WDR87: variants seen among roughly 807,000 people sequenced by gnomAD.
WDR87 encodes the protein WD repeat domain 87.
In WDR87, 56 loss-of-function variants were observed where a neutral mutation model predicts 83.3. The observed-to-expected ratio is 0.67, with a 90% CI of 0.54 to 0.84. The LOEUF is 0.84. WDR87 is among the 40% of genes least tolerant of loss of function. The probability of loss-of-function intolerance (pLI) is 0.00; values close to 1 mark genes in which losing one functional copy is unlikely to be tolerated. For synonymous variants in WDR87, 1,173 were observed against 1,250.6 expected, an observed-to-expected ratio of 0.94 and a Z score of 1.31; for missense variants, 2,939 against 3,431.9, an observed-to-expected ratio of 0.86 and a Z score of 3.59.
At chr19:37,896,362 T>C in intron 2 of WDR87, 54 bp from the exon 3 acceptor site, 1 of 1,524,832 alleles carries the variant, frequency 6.6e-7, no homozygotes, top group South Asian at 1.2e-5. Flanking sequence ...GCACTAAATA[T>C]ATTCTCGCAC....
At position 37,901,384 on chromosome 19, in the gene WDR87, T is replaced by C. The variant is rs1277091559; in HGVS notation, c.-46-3099A>G. 3.3e-5 allele frequency among the ~76,000 whole-genome samples: 5 copies of C among 152,150 alleles called. No homozygotes were observed. In the East Asian group the frequency reaches 7.7e-4, roughly 23 times the overall value. ...AGGCGGAAGTTGCAGTGAGCCGAGA[T>C]TGCAGCACTGCATTCCAGCCTGGGT... On this transcript the variant is annotated intron_variant, in intron 1 of 5. Coordinates refer to ENST00000447313, the MANE Select transcript of WDR87 (RefSeq NM_001291088.2).
chr19:37,900,517 C>T (rs1206870641), intron 1 of WDR87, among the ~76,000 whole-genome samples: 11 of 137,532 alleles, frequency 8.0e-5, no homozygotes, highest in Admixed American at 5.6e-4. Flanking sequence ...GCCGAGATCA[C>T]GCCACTGCAC....
chr19:37,894,937 G>A lies in WDR87; in HGVS notation c.766C>T (p.Leu256Phe), dbSNP rs185788127. 97 of 1,551,726 alleles carry A rather than the reference G, an allele frequency of 6.3e-5. No individual in the cohort carries two copies. The East Asian group carries it at 1.3e-3, about 20-fold the overall frequency. ...TCCCCAGCTTGGTTTCCAGCATAGAGAAAGCCCTGATCAAAACAGGTGAAG... is the reference window on the plus strand; with the variant it reads ...TCCCCAGCTTGGTTTCCAGCATAGAAAAAGCCCTGATCAAAACAGGTGAAG... Reference protein sequence around the residue: ...CCFTCFDQGFLYAGNQAGEIQ... With the variant: ...CCFTCFDQGFFYAGNQAGEIQ... Residue 256 changes from leucine to phenylalanine, a missense_variant, in exon 4 of 6, where the codon CTC becomes TTC. Transcript: ENST00000447313.
At position 37,888,002 on chromosome 19, in the gene WDR87, T is replaced by G; in HGVS notation, c.5669A>C (p.Glu1890Ala). The G allele has an allele frequency of 6.4e-7, 1 of 1,550,608 alleles. No individual in the cohort carries two copies. Among genetic ancestry groups the G allele is most frequent in the Non-Finnish European group, 8.7e-7 (1 of 1,146,836 alleles). The change falls in exon 6 of 6, where the codon GAA becomes GCA. Residue 1890 changes from glutamate to alanine, a missense_variant. By Grantham distance (107) the Glu-to-Ala change is moderately radical (BLOSUM62 -1). This residue lies in a region of WDR87 where 2,160 missense variants were observed against 2,533.1 expected (regional missense o/e 0.85). Transcript: ENST00000447313. ...QEKKNLAQEK[E>A]KLAQRKENLL... ...GTTCTCTTTCCTCTGAGCCAATTTT[T>G]CCTTCTCCTGGGCCAGATTCTTCTT...
chr19:37,903,964 A>T (rs2046307570), intron 1 of WDR87, among the ~76,000 whole-genome samples: 1 of 152,122 alleles, frequency 6.6e-6, no homozygotes, highest in Non-Finnish European at 1.5e-5. Context: ...GCTAGAGTGC[A>T]GTGGCGCCAT....
intron 2 of WDR87, among the ~76,000 whole-genome samples, chr19:37,896,547 C>T (rs915903502): frequency 1.3e-5 from 2 of 152,190 alleles, no homozygotes; most frequent in African/African-American, 2.4e-5. Flanking sequence ...GTGCAAATTT[C>T]ATAGTGTGAA....
chr19:37,886,086 TCCACCA>T lies in WDR87; in HGVS notation c.7579_7584del (p.Trp2527_Trp2528del), dbSNP rs1184596347. ...AGAGGTGGATGCTGCAAAAACCACT[TCCACCA>T]GGCACCTAGTGGTTTGTGTTGGAGT... On this transcript the variant is annotated inframe_deletion, in exon 6 of 6. Coordinates refer to ENST00000447313, the MANE Select transcript of WDR87 (RefSeq NM_001291088.2). 2.6e-6 allele frequency: 4 copies of T among 1,551,588 alleles called. No individual in the cohort carries two copies. The highest frequency in any genetic ancestry group is 2.0e-5 in the Admixed American group (1 of 50,972).
intron 1 of WDR87, among the ~76,000 whole-genome samples, chr19:37,902,324 C>T (rs2145444875): frequency 6.6e-6 from 1 of 152,242 alleles, no homozygotes; most frequent in Non-Finnish European, 1.5e-5. Context: ...AAGTGATTCT[C>T]CTGCCTCAGC....
chr19:37,885,330 G>A lies in WDR87; in HGVS notation c.8341C>T (p.Arg2781Ter), dbSNP rs946919831. ...LYHVLRMLQQ[R>*]YPKDSTAWME... ...CAAGCAGTGCTGTCTTTTGGATATC[G>A]CTGCTGCAGCATCCGCAAAACATGG... Residue 2781 changes from arginine (R) to a stop codon, truncating the protein, a stop_gained, in exon 6 of 6, where the codon CGA becomes TGA. Coordinates refer to ENST00000447313, the MANE Select transcript of WDR87 (RefSeq NM_001291088.2). LOFTEE classifies it low-confidence loss of function (END_TRUNC). The A allele has an allele frequency of 6.4e-6, 10 of 1,551,430 alleles. No individual in the cohort carries two copies. The East Asian group carries it at 7.3e-5, about 11-fold the overall frequency.
rs777794853 is a variant in WDR87 at position 37,906,515 on chromosome 19, G to C, written c.-63C>G. 8.5e-5 allele frequency: 13 copies of C among 152,122 alleles called. No homozygotes were observed. The highest frequency in any genetic ancestry group is 1.5e-4 in the Non-Finnish European group (10 of 68,008). 9.4% of individuals were successfully genotyped at this position (152,122 alleles called of 1,614,324 possible). A position where few individuals can be genotyped will look rare whatever the true frequency, so the allele number is the denominator to read the frequency against. On this transcript the variant is annotated 5_prime_UTR_variant, in exon 1 of 6. Transcript: ENST00000447313. ...GCCTGTTACCTGCGACAGGATTCCCGACAAGGGACGGGTACGGCGTGTGCA... is the reference window on the plus strand; with the variant it reads ...GCCTGTTACCTGCGACAGGATTCCCCACAAGGGACGGGTACGGCGTGTGCA...
Position 37,888,305 on chromosome 19 carries a change from GCCAGTTTCTTCTTTTCCTCAA to G in WDR87, c.5345_5365del (p.Val1782_Leu1788del). 6.4e-7 allele frequency: 1 copy of G among 1,551,476 alleles called. No homozygotes were observed. Among genetic ancestry groups the G allele is most frequent in the Non-Finnish European group, 8.7e-7 (1 of 1,146,978 alleles). Reference sequence around the variant, plus strand: ...CCAGGCCAATGCCTCCTCTTCCTCAGCCAGTTTCTTCTTTTCCTCAACCAGTTTCCCCTCTTCCTGATTCAG... The same window carrying G: ...CCAGGCCAATGCCTCCTCTTCCTCAGCCAGTTTCCCCTCTTCCTGATTCAG... On this transcript the variant is annotated inframe_deletion, in exon 6 of 6. Coordinates refer to ENST00000447313, the MANE Select transcript of WDR87 (RefSeq NM_001291088.2).
rs773446386 is a variant in WDR87, at chr19:37,893,531, C to A, written c.2172G>T (p.Ala724=). The part of the protein sequence containing the change: ...FVPKYIYPGQ[A]QQKLVGLEKL... ...TCTCCAGACCCACTAATTTCTGTTG[C>A]GCTTGTCCAGGGTAGATGTACTTGG... The change falls in exon 4 of 6, where the codon GCG becomes GCT. Residue 724 remains alanine, a synonymous_variant. Transcript: ENST00000447313. 3 of 1,551,754 alleles carry A rather than the reference C, an allele frequency of 1.9e-6. No individual in the cohort carries two copies. The highest frequency in any genetic ancestry group is 2.6e-6 in the Non-Finnish European group (3 of 1,147,038).
chr19:37,888,055 C>A lies in WDR87; in HGVS notation c.5616G>T (p.Leu1872=). Residue 1872 remains leucine (L), a synonymous_variant, in exon 6 of 6, where the codon CTG becomes CTT. Transcript: ENST00000447313. ...CCTGAGCCAGATTCTTCTTCTGGTA[C>A]AGTATCATCTTGTTCTTTGTGAGTT... The part of the protein sequence containing the change: ...MEELTKNKMI[L]YQKKNLAQEK... The A allele has an allele frequency of 6.4e-7, 1 of 1,551,670 alleles. No individual in the cohort carries two copies. Among genetic ancestry groups the A allele is most frequent in the Non-Finnish European group, 8.7e-7 (1 of 1,146,988 alleles).
intron 1 of WDR87, among the ~76,000 whole-genome samples, chr19:37,901,560 C>T (rs1390646805): frequency 6.6e-6 from 1 of 152,262 alleles, no homozygotes; most frequent in African/African-American, 2.4e-5. Context: ...CAGTCACTGC[C>T]ATCACTTCCC....
chr19:37,897,755 T>A (rs1402216735), intron 2 of WDR87, among the ~76,000 whole-genome samples: 1 of 151,950 alleles, frequency 6.6e-6, no homozygotes, highest in African/African-American at 2.4e-5. Flanking sequence ...CGTGGTGGCG[T>A]GCGCCTGTAG....
Position 37,886,509 on chromosome 19 carries a change from G to A in WDR87, c.7162C>T (p.Gln2388Ter). 1.3e-6 allele frequency: 2 copies of A among 1,505,024 alleles called. No homozygotes were observed. The allele number at this position is 1,505,024 out of a possible 1,614,324, so 93.2% of individuals were successfully genotyped here. Residue 2388 changes from glutamine to a stop codon, truncating the protein, a stop_gained, in exon 6 of 6, where the codon CAA (glutamine) becomes TAA (stop). Coordinates refer to ENST00000447313, the MANE Select transcript of WDR87 (RefSeq NM_001291088.2). LOFTEE classifies it low-confidence loss of function (END_TRUNC). Reference protein sequence around the residue: ...REKEILKKEKQFKLQEQRRKS... With the variant: ...REKEILKKEK Reference sequence around the variant, plus strand: ...CTTCTTTGTTCTTGTAACTTAAATTGTTTTTCTTTTTTTAAGATCTCTTTT... The same window carrying A: ...CTTCTTTGTTCTTGTAACTTAAATTATTTTTCTTTTTTTAAGATCTCTTTT...
rs1345886317 is a variant in WDR87 at position 37,887,808 on chromosome 19, A to AT, written c.5862dup (p.Leu1955IlefsTer7). 8 of 1,550,274 alleles carry AT rather than the reference A, an allele frequency of 5.2e-6. No homozygotes were observed. In the Admixed American group the frequency reaches 9.9e-5, roughly 19 times the overall value. The stretch of plus-strand genomic sequence containing the variant: ...GCCAAACTATCCTCTACTTGGACCA[A>AT]TTTTTTCTCTGTTTCAGCCAGTTTC... On this transcript the variant is annotated frameshift_variant, in exon 6 of 6. Transcript: ENST00000447313. LOFTEE classifies it low-confidence loss of function (END_TRUNC).
intron 1 of WDR87, among the ~76,000 whole-genome samples, chr19:37,902,094 G>A (rs2046297255): frequency 2.6e-5 from 4 of 151,958 alleles, no homozygotes; most frequent in Admixed American, 2.0e-4. Flanking sequence ...GTTTCCTTGG[G>A]TTAGCCTCAG....
rs1330062897 is a variant in WDR87, at chr19:37,887,215, T to C, written c.6456A>G (p.Ile2152Met). Residue 2152 changes from isoleucine (I) to methionine (M), a missense_variant, in exon 6 of 6, where the codon ATA becomes ATG. Around this residue, in one of 3 missense-constraint regions of WDR87, gnomAD observed 2,160 missense variants for 2,533.1 expected, o/e 0.85. Coordinates refer to ENST00000447313, the MANE Select transcript of WDR87 (RefSeq NM_001291088.2). ...ALFVKERRLS[I>M]EQSKLDIKEW... ...CTTTGATATCCAGCTTACTCTGTTC[T>C]ATACTCAACCTGCGCTCCTTAACAA... The C allele has an allele frequency of 6.4e-6, 10 of 1,551,968 alleles. No individual in the cohort carries two copies. In the East Asian group the frequency reaches 1.2e-4, roughly 19 times the overall value.
Sources: allele counts gnomAD v4.1 joint callset (sites outside exome capture counted in the v4.1 genomes callset), GRCh38; gene constraint gnomAD v4.1.1; regional missense constraint gnomAD v4.1.1; transcripts MANE v1.5; gene names NCBI Gene and HGNC (gene_info 2026-07-23, HGNC 2026-07-21).